DLG2: variants seen among roughly 807,000 people sequenced by gnomAD.
The protein encoded by DLG2 is disks large homolog 2.
Under a neutral mutation model 132.5 loss-of-function variants are expected in DLG2, and 45 were observed. The ratio of observed to expected loss-of-function variants is 0.34; its 90% CI spans 0.27 to 0.44. DLG2 has a LOEUF of 0.44. Among genes scored for constraint, DLG2 ranks in the 20% least tolerant of loss-of-function variants. The probability of loss-of-function intolerance (pLI) is 1.00; values close to 1 mark genes in which losing one functional copy is unlikely to be tolerated. For synonymous variants in DLG2, 424 were observed against 419.6 expected (o/e 1.01, Z -0.13); for missense variants, 1,045 against 1,196.9 (o/e 0.87, Z 1.87).
intron 6 of DLG2, among the ~76,000 whole-genome samples, chr11:85,019,981 C>T (rs2059902500): frequency 6.6e-6 from 1 of 152,072 alleles, no homozygotes; most frequent in African/African-American, 2.4e-5. Flanking sequence ...GGCTATATAC[C>T]CAGTAATGGG....
chr11:85,262,451 G>A (rs905309200), intron 4 of DLG2, among the ~76,000 whole-genome samples: 1 of 152,108 alleles, frequency 6.6e-6, no homozygotes, highest in African/African-American at 2.4e-5. Context: ...TTTATTGGAG[G>A]TCTGAAGAAA....
At chr11:85,240,140 T>C (rs1347986574) in intron 4 of DLG2, among the ~76,000 whole-genome samples, 3 of 151,986 alleles carry the variant, frequency 2.0e-5, no homozygotes, top group African/African-American at 7.2e-5. Flanking sequence ...TGCCTGATTA[T>C]AAAAGAAGTT....
chr11:84,377,959 G>C (rs933544528), intron 7 of DLG2, among the ~76,000 whole-genome samples: 1 of 152,146 alleles, frequency 6.6e-6, no homozygotes, highest in Non-Finnish European at 1.5e-5. Context: ...ACAAGTTGAA[G>C]AGTCAGAATA....
At chr11:84,414,217 T>A (rs1398482428) in intron 7 of DLG2, among the ~76,000 whole-genome samples, 1 of 152,170 alleles carries the variant, frequency 6.6e-6, no homozygotes, top group Non-Finnish European at 1.5e-5. Context: ...TGAGCATATC[T>A]AAATTAATTA....
intron 6 of DLG2, among the ~76,000 whole-genome samples, chr11:84,689,132 T>C (rs2057715100): frequency 1.3e-5 from 2 of 152,278 alleles, no homozygotes; most frequent in South Asian, 2.1e-4. Flanking sequence ...TAAATAACTA[T>C]GAAATGAGAA....
intron 3 of DLG2, among the ~76,000 whole-genome samples, chr11:85,394,098 T>C (rs139769199): frequency 8.9e-4 from 135 of 152,314 alleles, no homozygotes; most frequent in African/African-American, 3.1e-3. Flanking sequence ...AGAATCTATA[T>C]ATCAGCAGAA....
intron 6 of DLG2, among the ~76,000 whole-genome samples, chr11:84,550,708 ATAAAGAC>A (rs2099400178): frequency 6.6e-6 from 1 of 152,188 alleles, no homozygotes; most frequent in African/African-American, 2.4e-5. Flanking sequence ...CTGTGACACT[ATAAAGAC>A]TAAAGTTCCT....
At chr11:84,634,615 G>A (rs1248812082) in intron 6 of DLG2, among the ~76,000 whole-genome samples, 1 of 152,192 alleles carries the variant, frequency 6.6e-6, no homozygotes, top group African/African-American at 2.4e-5. Flanking sequence ...GCTACCCAGA[G>A]TCTCTCTGAA....
At chr11:83,701,599 G>A (rs557640342) in intron 18 of DLG2, among the ~76,000 whole-genome samples, 2 of 152,342 alleles carry the variant, frequency 1.3e-5, no homozygotes, top group African/African-American at 2.4e-5. Flanking sequence ...AATTAGGGAC[G>A]CTATGAAAGA....
intron 24 of DLG2, 77 bp from the exon 25 acceptor site, chr11:83,469,450 C>T: frequency 9.6e-7 from 1 of 1,041,230 alleles, no homozygotes; most frequent in Non-Finnish European, 1.4e-6. Flanking sequence ...TTCTCCACCA[C>T]ATCCTCAACA....
At chr11:84,479,682 T>C (rs376477101) in intron 7 of DLG2, among the ~76,000 whole-genome samples, 2 of 152,122 alleles carry the variant, frequency 1.3e-5, no homozygotes, top group East Asian at 1.9e-4. Flanking sequence ...AGTAGGAACA[T>C]ATGTTAACCA....
chr11:83,706,534 A>G lies in DLG2; in HGVS notation c.1826-73209T>C, dbSNP rs577824334. 1.2e-4 allele frequency among the ~76,000 whole-genome samples: 18 copies of G among 152,322 alleles called. No individual in the cohort carries two copies. The South Asian group carries it at 2.7e-3, about 23-fold the overall frequency. On this transcript the variant is annotated intron_variant, in intron 18 of 27. Transcript: ENST00000376104. ...GAGCTTGAATCAAAGGTTTGCAGTA[A>G]TATATGCAGAGGCTCACATGTGATA...
chr11:84,524,857 T>A (rs2099315506), intron 7 of DLG2, among the ~76,000 whole-genome samples: 2 of 152,018 alleles, frequency 1.3e-5, no homozygotes, highest in Non-Finnish European at 2.9e-5. Flanking sequence ...TTTCTTTTTT[T>A]TTTTTTTTTA....
At chr11:84,036,528 A>G (rs2095867416) in intron 11 of DLG2, among the ~76,000 whole-genome samples, 1 of 152,172 alleles carries the variant, frequency 6.6e-6, no homozygotes, top group African/African-American at 2.4e-5. Flanking sequence ...TACAAATGGC[A>G]GCAAAACTGA....
intron 7 of DLG2, among the ~76,000 whole-genome samples, chr11:84,324,952 C>T (rs913046686): frequency 6.6e-6 from 1 of 152,050 alleles, no homozygotes; most frequent in African/African-American, 2.4e-5. Flanking sequence ...CCTATAAGAT[C>T]ATATTATCTG....
chr11:84,436,916 GA>G (rs2099002569), intron 7 of DLG2, among the ~76,000 whole-genome samples: 1 of 152,168 alleles, frequency 6.6e-6, no homozygotes, highest in South Asian at 2.1e-4. Flanking sequence ...CAACGTTACT[GA>G]GAGTCCCAGA....
chr11:83,779,519 T>G (rs2094721145), intron 18 of DLG2, among the ~76,000 whole-genome samples: 1 of 152,174 alleles, frequency 6.6e-6, no homozygotes, highest in Non-Finnish European at 1.5e-5. Flanking sequence ...CATTTGATTA[T>G]AATAATCTCA....
At chr11:83,791,001 C>CT in intron 17 of DLG2, 1 of 793,896 alleles carries the variant, frequency 1.3e-6, no homozygotes, top group Non-Finnish European at 2.1e-6. Context: ...AGAAGCCGAG[C>CT]TTTTCAGTGA....
chr11:84,405,749 A>G (rs1427228200), intron 7 of DLG2, among the ~76,000 whole-genome samples: 1 of 152,188 alleles, frequency 6.6e-6, no homozygotes, highest in African/African-American at 2.4e-5. Context: ...GGGACTAGGA[A>G]TGTGGTGGGA....
Sources: gnomAD v4.1 joint callset for allele counts (sites outside exome capture counted in the v4.1 genomes callset) on GRCh38, gnomAD v4.1.1 for gene constraint, MANE v1.5 for transcripts, NCBI Gene and HGNC (gene_info 2026-07-23, HGNC 2026-07-21) for gene names.